RERE: variants seen among roughly 807,000 people sequenced by gnomAD.
The protein encoded by RERE is arginine-glutamic acid dipeptide repeats, also known as arginine-glutamic acid dipeptide repeats protein.
In RERE, 40 loss-of-function variants were observed where a neutral mutation model predicts 146.1. The ratio of observed to expected loss-of-function variants is 0.27; its 90% CI spans 0.21 to 0.36. The LOEUF (loss-of-function observed/expected upper bound fraction) is 0.36, where lower values mean the gene tolerates loss of function less well. Among genes scored for constraint, RERE ranks in the 10% least tolerant of loss-of-function variants. The probability of loss-of-function intolerance (pLI) is 1.00; values close to 1 mark genes in which losing one functional copy is unlikely to be tolerated. For synonymous variants in RERE, 1,003 were observed against 866.0 expected, an observed-to-expected ratio of 1.16 and a Z score of -2.78; for missense variants, 1,933 against 2,138.7, an observed-to-expected ratio of 0.90 and a Z score of 1.90.
intron 11 of RERE, among the ~76,000 whole-genome samples, chr1:8,449,252 T>C (rs1377272770): frequency 6.6e-6 from 1 of 152,146 alleles, no homozygotes; most frequent in Non-Finnish European, 1.5e-5. Flanking sequence ...TGTTTGTTTG[T>C]TTTAGGCCCT....
At chr1:8,440,001 G>C (rs1291588461) in intron 11 of RERE, among the ~76,000 whole-genome samples, 1 of 152,126 alleles carries the variant, frequency 6.6e-6, no homozygotes, top group Admixed American at 6.5e-5. Context: ...TTCAACCCGG[G>C]AGGCAGAGGT....
chr1:8,729,100 G>A (rs1640030040), intron 1 of RERE, among the ~76,000 whole-genome samples: 1 of 151,954 alleles, frequency 6.6e-6, no homozygotes, highest in Non-Finnish European at 1.5e-5. Context: ...GGAGGTGGAA[G>A]CTGCGGTGAG....
intron 4 of RERE, among the ~76,000 whole-genome samples, chr1:8,576,532 T>A (rs1570460740): frequency 6.6e-6 from 1 of 152,144 alleles, no homozygotes; most frequent in Non-Finnish European, 1.5e-5. Context: ...TTTGTAGAGA[T>A]TCCTAGAAAG....
chr1:8,511,505 G>A (rs79584857), intron 7 of RERE, among the ~76,000 whole-genome samples: 5,711 of 152,260 alleles, frequency 0.038, 364 homozygotes, highest in African/African-American at 0.13. Flanking sequence ...CCTACTATAT[G>A]CAAGAGTTAC....
rs932239273 is a variant in RERE, at chr1:8,356,526, G to T, written c.4340-280C>A. On this transcript the variant is annotated intron_variant, in intron 20 of 22. Coordinates refer to ENST00000400908, the MANE Select transcript of RERE (RefSeq NM_001042681.2). The surrounding 1 kb of genome is among the most constrained non-coding windows in gnomAD (Gnocchi z 5.2). ...TAACAGGCAATCCCAGGCCAGTTTTGTCGAGGACCCGGGATCAGCAGGGTC... is the reference window on the plus strand; with the variant it reads ...TAACAGGCAATCCCAGGCCAGTTTTTTCGAGGACCCGGGATCAGCAGGGTC... Among the ~76,000 whole-genome samples the T allele has an allele frequency of 1.3e-5, 2 of 152,178 alleles. No individual in the cohort carries two copies. Among genetic ancestry groups the T allele is most frequent in the African/African-American group, 4.8e-5 (2 of 41,440 alleles).
chr1:8,559,299 A>AAAAAAC (rs1342128377), intron 4 of RERE, among the ~76,000 whole-genome samples: 5 of 145,492 alleles, frequency 3.4e-5, no homozygotes, highest in East Asian at 4.1e-4. Flanking sequence ...AAAAAAAAAA[A>AAAAAAC]AAAAACAGAA....
chr1:8,527,747 T>G (rs1298154969), intron 7 of RERE, among the ~76,000 whole-genome samples: 1 of 152,144 alleles, frequency 6.6e-6, no homozygotes, highest in Non-Finnish European at 1.5e-5. Flanking sequence ...CACAGTTGGC[T>G]TCACATGCCA....
chr1:8,584,626 GA>G (rs1334088094), intron 4 of RERE, among the ~76,000 whole-genome samples: 5 of 152,166 alleles, frequency 3.3e-5, no homozygotes, highest in Non-Finnish European at 7.3e-5. Flanking sequence ...GACTAGTGGT[GA>G]AGATGAAGTA....
intron 4 of RERE, among the ~76,000 whole-genome samples, chr1:8,564,165 G>A (rs1046666535): frequency 6.6e-6 from 1 of 152,086 alleles, no homozygotes; most frequent in Non-Finnish European, 1.5e-5. Flanking sequence ...AGAAGGGTAG[G>A]GACAGACAAT....
At chr1:8,749,357 T>A (rs1640484423) in intron 1 of RERE, among the ~76,000 whole-genome samples, 1 of 152,124 alleles carries the variant, frequency 6.6e-6, no homozygotes, top group Admixed American at 6.5e-5. Flanking sequence ...TAGATAATGC[T>A]TTTATGGAAC....
chr1:8,366,938 A>C (rs1417450772), intron 12 of RERE, among the ~76,000 whole-genome samples: 2 of 150,418 alleles, frequency 1.3e-5, no homozygotes, highest in African/African-American at 4.9e-5. Context: ...ACAAAAAAAA[A>C]AAACCCAAAA....
intron 7 of RERE, among the ~76,000 whole-genome samples, chr1:8,529,452 A>C (rs1467401867): frequency 8.1e-6 from 1 of 123,272 alleles, no homozygotes; most frequent in Non-Finnish European, 1.7e-5. Context: ...ACTACACCCA[A>C]CTAAATTTTT....
intron 4 of RERE, among the ~76,000 whole-genome samples, chr1:8,583,574 T>C (rs1379191332): frequency 6.6e-6 from 1 of 152,154 alleles, no homozygotes; most frequent in African/African-American, 2.4e-5. Context: ...ATCTAGACAC[T>C]TTTGAACTCT....
intron 7 of RERE, among the ~76,000 whole-genome samples, chr1:8,514,468 G>A (rs1273830442): frequency 1.3e-5 from 2 of 152,124 alleles, no homozygotes; most frequent in African/African-American, 2.4e-5. Context: ...GGTGGCTCAC[G>A]CCTGTAATCA....
intron 7 of RERE, among the ~76,000 whole-genome samples, chr1:8,516,804 C>G (rs1354073955): frequency 6.6e-6 from 1 of 152,066 alleles, no homozygotes; most frequent in Non-Finnish European, 1.5e-5. Context: ...ACAAAATGAT[C>G]AAAAGAATTT....
chr1:8,724,585 G>C (rs192764718), intron 1 of RERE, among the ~76,000 whole-genome samples: 1 of 152,202 alleles, frequency 6.6e-6, no homozygotes, highest in East Asian at 1.9e-4. Flanking sequence ...GGTGGCTCAC[G>C]CTTGTAATCC....
At chr1:8,520,193 A>C (rs942333278) in intron 7 of RERE, among the ~76,000 whole-genome samples, 45 of 152,340 alleles carry the variant, frequency 3.0e-4, no homozygotes, top group African/African-American at 1.0e-3. Flanking sequence ...AAATCATAAA[A>C]TTCTAAATTT....
chr1:8,496,150 T>TAAAAAAA lies in RERE; in HGVS notation c.1005-995_1005-989dup, dbSNP rs36115213. ...TGCACTCCAGTGTGAGACCCTGTCT[T>TAAAAAAA]AAAAAAAAAAAAAAAAAAAGGTGAG... On this transcript the variant is annotated intron_variant, in intron 9 of 22. Transcript: ENST00000400908. 5.2e-4 allele frequency among the ~76,000 whole-genome samples: 62 copies of TAAAAAAA among 118,426 alleles called. 1 individual carries two copies. Among genetic ancestry groups the TAAAAAAA allele is most frequent in the African/African-American group, 2.0e-3 (58 of 29,548 alleles). 77.7% of individuals were successfully genotyped at this position (118,426 alleles called of 152,430 possible).
intron 1 of RERE, among the ~76,000 whole-genome samples, chr1:8,775,080 C>T (rs957144232): frequency 2.7e-4 from 41 of 151,738 alleles, no homozygotes; most frequent in African/African-American, 9.2e-4. Flanking sequence ...CCTGCCTCAG[C>T]CTCCCAAGTA....
Sources: gnomAD v4.1 joint callset for allele counts (sites outside exome capture counted in the v4.1 genomes callset) on GRCh38, gnomAD v4.1.1 for gene constraint, Gnocchi (gnomAD v3.1) non-coding constraint, MANE v1.5 for transcripts, NCBI Gene and HGNC (gene_info 2026-07-23, HGNC 2026-07-21) for gene names.